The following RPTOR variants were observed in gnomAD, a reference collection of about 807,000 sequenced individuals.
RPTOR encodes the protein regulatory associated protein of MTOR complex 1.
RPTOR carries 21 observed loss-of-function variants against 169.9 expected under a neutral mutation model. The ratio of observed to expected loss-of-function variants is 0.12; its 90% CI spans 0.09 to 0.18. The LOEUF (loss-of-function observed/expected upper bound fraction) is 0.18, where lower values mean the gene tolerates loss of function less well. Ranked by LOEUF, RPTOR falls within the 10% of genes least tolerant of loss-of-function variation. The pLI, the probability that RPTOR is intolerant of heterozygous loss-of-function variation, is 1.00. For missense variants in RPTOR, 1,133 were observed against 1,855.9 expected (o/e 0.61, Z 7.16); for synonymous variants, 732 against 753.2 (o/e 0.97, Z 0.46).
intron 20 of RPTOR, among the ~76,000 whole-genome samples, chr17:80,904,840 C>T (rs973254185): frequency 1.6e-4 from 25 of 152,184 alleles, no homozygotes; most frequent in African/African-American, 5.1e-4. Context: ...ACAGCAGTTC[C>T]GTGATCACAG....
chr17:80,583,034 GCCTCCTGAGTAGCTGGGAC>G (rs1188506171), intron 1 of RPTOR, among the ~76,000 whole-genome samples: 3 of 150,638 alleles, frequency 2.0e-5, no homozygotes, highest in Admixed American at 6.6e-5. Context: ...TCTCACTTCA[GCCTCCTGAGTAGCTGGGAC>G]CCCAGGCATG....
At chr17:80,831,558 AATTTC>A (rs1488435913) in intron 9 of RPTOR, among the ~76,000 whole-genome samples, 1 of 152,234 alleles carries the variant, frequency 6.6e-6, no homozygotes, top group Non-Finnish European at 1.5e-5. Context: ...GCTCGTGATG[AATTTC>A]ATGCATGACT....
chr17:80,772,751 G>A (rs2066857126), intron 6 of RPTOR, among the ~76,000 whole-genome samples: 1 of 151,968 alleles, frequency 6.6e-6, no homozygotes, highest in Non-Finnish European at 1.5e-5. Flanking sequence ...AGACTAATGT[G>A]TATTTAATTT....
chr17:80,761,900 A>G (rs984677971), intron 6 of RPTOR, among the ~76,000 whole-genome samples: 1 of 152,202 alleles, frequency 6.6e-6, no homozygotes. Context: ...GCTCTTTTGT[A>G]GTATCCCACT....
At chr17:80,887,806 T>A (rs1255763774) in intron 17 of RPTOR, among the ~76,000 whole-genome samples, 1 of 152,250 alleles carries the variant, frequency 6.6e-6, no homozygotes, top group Admixed American at 6.5e-5. Flanking sequence ...GTTTTGTTTG[T>A]TGACTTGTTT....
At chr17:80,950,124 G>A (rs2069155086) in intron 28 of RPTOR, among the ~76,000 whole-genome samples, 1 of 152,320 alleles carries the variant, frequency 6.6e-6, no homozygotes, top group South Asian at 2.1e-4. Flanking sequence ...CAGGAGTTAG[G>A]AGGCTCCCGG....
chr17:80,945,722 T>C lies in RPTOR; in HGVS notation c.3081T>C (p.Ser1027=). 6.2e-7 allele frequency: 1 copy of C among 1,612,106 alleles called. No homozygotes were observed. The highest frequency in any genetic ancestry group is 1.7e-5 in the Admixed American group (1 of 59,788). ...TGAACAGGAACCCCGGCGTCCCCTC[T>C]GTGGTGAAATTCCACCCCTTCACGC... ...IFLNRNPGVP[S]VVKFHPFTPC... The change falls in exon 26 of 34, where the codon TCT becomes TCC. Residue 1027 remains serine (S), a synonymous_variant. Transcript: ENST00000306801.
At chr17:80,767,307 A>G (rs2066797699) in intron 6 of RPTOR, among the ~76,000 whole-genome samples, 1 of 152,202 alleles carries the variant, frequency 6.6e-6, no homozygotes, top group African/African-American at 2.4e-5. Context: ...TTGAGGCTGT[A>G]GTGAGCAGTG....
At chr17:80,835,730 TCTTAGA>T (rs1430929123) in intron 9 of RPTOR, among the ~76,000 whole-genome samples, 1 of 152,232 alleles carries the variant, frequency 6.6e-6, no homozygotes, top group Admixed American at 6.5e-5. Context: ...TGGAGTTTAC[TCTTAGA>T]CTTGGGTCCC....
chr17:80,736,234 G>A (rs529914218), intron 5 of RPTOR, among the ~76,000 whole-genome samples: 40 of 151,616 alleles, frequency 2.6e-4, no homozygotes, highest in Non-Finnish European at 4.6e-4. Context: ...CTATTCCCCC[G>A]CACTCTGCAA....
At chr17:80,656,759 G>A (rs1567841983) in intron 3 of RPTOR, among the ~76,000 whole-genome samples, 1 of 152,178 alleles carries the variant, frequency 6.6e-6, no homozygotes, top group Non-Finnish European at 1.5e-5. Flanking sequence ...ATGATGAGCT[G>A]GAAAGACTTT....
At chr17:80,691,228 G>A (rs1374216812) in intron 3 of RPTOR, among the ~76,000 whole-genome samples, 3 of 144,346 alleles carry the variant, frequency 2.1e-5, no homozygotes, top group Non-Finnish European at 4.5e-5. Flanking sequence ...TTTCAAAATC[G>A]TGTGTGGGCT....
At chr17:80,767,345 T>TCAC (rs1186281157) in intron 6 of RPTOR, among the ~76,000 whole-genome samples, 4 of 152,156 alleles carry the variant, frequency 2.6e-5, no homozygotes, top group Non-Finnish European at 4.4e-5. Flanking sequence ...TGGTCCAGCA[T>TCAC]AGACCACAGA....
At chr17:80,641,725 C>CTGGAGCCTTA (rs1477693605) in intron 2 of RPTOR, among the ~76,000 whole-genome samples, 2 of 152,202 alleles carry the variant, frequency 1.3e-5, no homozygotes, top group Non-Finnish European at 2.9e-5. Flanking sequence ...TTAATGATCA[C>CTGGAGCCTTA]TGGAGCCTTA....
At position 80,754,094 on chromosome 17, in the gene RPTOR, G is replaced by A. The variant is rs778029024; in HGVS notation, c.739G>A (p.Glu247Lys). 3.1e-6 allele frequency: 5 copies of A among 1,613,984 alleles called. No individual in the cohort carries two copies. Among genetic ancestry groups the A allele is most frequent in the East Asian group, 2.2e-5 (1 of 44,882 alleles). ...MKNCIQLAACEATELLPMIPD... is the reference protein window; with the variant it reads ...MKNCIQLAACKATELLPMIPD... Reference sequence around the variant, plus strand: ...AAACTGCATCCAGCTGGCAGCCTGCGAGGCCACCGAGCTGCTGCCCATGAT... The same window carrying A: ...AAACTGCATCCAGCTGGCAGCCTGCAAGGCCACCGAGCTGCTGCCCATGAT... The change falls in exon 6 of 34, where the codon GAG (glutamate) becomes AAG (lysine). Residue 247 changes from glutamate (E) to lysine (K), a missense_variant. By Grantham distance (56) the Glu-to-Lys change is moderately conservative (BLOSUM62 1). This residue lies in a region of RPTOR where 289 missense variants were observed against 585.8 expected (regional missense o/e 0.49). Transcript: ENST00000306801. The surrounding 1 kb of genome is among the most constrained non-coding windows in gnomAD (Gnocchi z 4.2).
At chr17:80,565,448 G>A (rs2084570090) in intron 1 of RPTOR, among the ~76,000 whole-genome samples, 1 of 152,240 alleles carries the variant, frequency 6.6e-6, no homozygotes, top group Non-Finnish European at 1.5e-5. Flanking sequence ...GGTGACTGAA[G>A]GAGGCCACAG....
At chr17:80,602,620 A>G in intron 1 of RPTOR, 1 of 649,410 alleles carries the variant, frequency 1.5e-6, no homozygotes, top group South Asian at 1.4e-5. Context: ...ACCAAAGTAT[A>G]GAACTTATTT....
At position 80,695,259 on chromosome 17, in the gene RPTOR, C is replaced by T. The variant is rs925152252; in HGVS notation, c.349-12582C>T. ...CCCCACATTGTCTGCCACGGGGGCC[C>T]GAGCATTTCCACACGAGACTTTCAC... On this transcript the variant is annotated intron_variant, in intron 3 of 33. Coordinates refer to ENST00000306801, the MANE Select transcript of RPTOR (RefSeq NM_020761.3). The surrounding 1 kb of genome is among the most constrained non-coding windows in gnomAD (Gnocchi z 4.9). 1.2e-4 allele frequency among the ~76,000 whole-genome samples: 18 copies of T among 152,310 alleles called. No individual in the cohort carries two copies. Among genetic ancestry groups the T allele is most frequent in the African/African-American group, 4.1e-4 (17 of 41,572 alleles).
intron 11 of RPTOR, among the ~76,000 whole-genome samples, chr17:80,849,487 A>T (rs1187360331): frequency 6.6e-6 from 1 of 152,206 alleles, no homozygotes; most frequent in Non-Finnish European, 1.5e-5. Context: ...TACAATGTTT[A>T]AAAAAATTGC....
Sources: allele counts gnomAD v4.1 joint callset (sites outside exome capture counted in the v4.1 genomes callset), GRCh38; gene constraint gnomAD v4.1.1; regional missense constraint gnomAD v4.1.1; non-coding constraint Gnocchi (gnomAD v3.1); transcripts MANE v1.5; gene names NCBI Gene and HGNC (gene_info 2026-07-23, HGNC 2026-07-21).